MAGI1: variants seen among roughly 807,000 people sequenced by gnomAD.
MAGI1 encodes membrane associated guanylate kinase, WW and PDZ domain containing 1, also known as membrane-associated guanylate kinase, WW and PDZ domain-containing protein 1.
In MAGI1, 58 loss-of-function variants were observed where a neutral mutation model predicts 139.9. The ratio of observed to expected loss-of-function variants is 0.41; its 90% confidence interval spans 0.34 to 0.52. The LOEUF is 0.52. Ranked by LOEUF, MAGI1 falls within the 20% of genes least tolerant of loss-of-function variation. The probability of loss-of-function intolerance (pLI) is 0.12; values close to 1 mark genes in which losing one functional copy is unlikely to be tolerated. For synonymous variants in MAGI1, 812 were observed against 737.9 expected (o/e 1.10, Z -1.63); for missense variants, 1,874 against 1,901.6 (o/e 0.99, Z 0.27).
intron 2 of MAGI1, among the ~76,000 whole-genome samples, chr3:65,618,755 G>A (rs2083504054): frequency 6.6e-6 from 1 of 152,048 alleles, no homozygotes; most frequent in African/African-American, 2.4e-5. Context: ...CACCTTATAG[G>A]ATTGCTATGT....
intron 5 of MAGI1, among the ~76,000 whole-genome samples, chr3:65,455,618 T>G (rs1377257382): frequency 6.6e-6 from 1 of 152,084 alleles, no homozygotes; most frequent in Non-Finnish European, 1.5e-5. Flanking sequence ...GCACCTGTGG[T>G]CCTAGCTACT....
intron 2 of MAGI1, among the ~76,000 whole-genome samples, chr3:65,620,528 G>A (rs946575810): frequency 1.3e-5 from 2 of 152,186 alleles, no homozygotes; most frequent in African/African-American, 4.8e-5. Flanking sequence ...CATTGCCTCA[G>A]TTTCTTGATT....
rs1348210969 is a variant in MAGI1, at chr3:65,776,420, C to A, written c.314-154332G>T. Among the ~76,000 whole-genome samples, 4 of 151,920 alleles carry A rather than the reference C, an allele frequency of 2.6e-5. No homozygotes were observed. The East Asian group carries it at 7.7e-4, about 29-fold the overall frequency. ...TTCAAAGCCTCTGAGTCCCAGGAAA[C>A]ACAATTTTTAAAAATGGTAACCCTT... On this transcript the variant is annotated intron_variant, in intron 1 of 22. Transcript: ENST00000402939.
intron 1 of MAGI1, among the ~76,000 whole-genome samples, chr3:65,954,781 C>T (rs1367794665): frequency 6.6e-6 from 1 of 152,076 alleles, no homozygotes; most frequent in Non-Finnish European, 1.5e-5. Context: ...CTATAAACCA[C>T]AGGCCCCAAC....
chr3:65,378,242 A>G (rs1188003928), intron 17 of MAGI1, among the ~76,000 whole-genome samples: 3 of 152,230 alleles, frequency 2.0e-5, no homozygotes, highest in Non-Finnish European at 2.9e-5. Flanking sequence ...TAGTGTACCC[A>G]GAAGAGAGTG....
chr3:65,537,912 G>A (rs948512103), intron 2 of MAGI1, among the ~76,000 whole-genome samples: 1 of 152,088 alleles, frequency 6.6e-6, no homozygotes, highest in Non-Finnish European at 1.5e-5. Context: ...GAGGATAGGA[G>A]TTCAAGACCA....
chr3:65,413,729 T>C (rs1028348186), intron 12 of MAGI1, among the ~76,000 whole-genome samples: 24 of 152,132 alleles, frequency 1.6e-4, no homozygotes, highest in African/African-American at 5.5e-4. Context: ...ACTGTACCAA[T>C]TGGATTTGCT....
At chr3:65,884,224 C>T (rs2060444828) in intron 1 of MAGI1, among the ~76,000 whole-genome samples, 1 of 152,190 alleles carries the variant, frequency 6.6e-6, no homozygotes, top group Admixed American at 6.5e-5. Flanking sequence ...TACCAACTCT[C>T]TCCACCCTGC....
rs142648513 is a variant in MAGI1 at position 65,971,600 on chromosome 3, C to G, written c.313+66396G>C. Among the ~76,000 whole-genome samples the G allele has an allele frequency of 2.4e-3, 373 of 152,292 alleles. 3 individuals are homozygous for G. Among genetic ancestry groups the G allele is most frequent in the African/African-American group, 8.5e-3 (352 of 41,568 alleles). ...CATCCAAGTCAAGCACATGTTTTCA[C>G]GCAATTCAAAGAAAACAAACTGTGA... On this transcript the variant is annotated intron_variant, in intron 1 of 22. Coordinates refer to ENST00000402939, the MANE Select transcript of MAGI1 (RefSeq NM_001033057.2).
At chr3:65,886,609 GACCTGCTCTCCTCTTGTCTCCGTCTC>G (rs2060541132) in intron 1 of MAGI1, among the ~76,000 whole-genome samples, 1 of 152,170 alleles carries the variant, frequency 6.6e-6, no homozygotes, top group South Asian at 2.1e-4. Flanking sequence ...GAAGAGAAGA[GACCTGCTCTCCTCTTGTCTCCGTCTC>G]ACTAGCCAGA....
intron 2 of MAGI1, among the ~76,000 whole-genome samples, chr3:65,613,978 G>A (rs1449582714): frequency 5.3e-5 from 8 of 152,170 alleles, no homozygotes; most frequent in Non-Finnish European, 1.2e-4. Flanking sequence ...GGCCTACAAA[G>A]TATCAAGCTC....
At chr3:65,412,093 A>T (rs1006010072) in intron 12 of MAGI1, among the ~76,000 whole-genome samples, 2 of 151,938 alleles carry the variant, frequency 1.3e-5, no homozygotes, top group South Asian at 4.2e-4. Flanking sequence ...TTAAAGACAA[A>T]CTCTTTGTTC....
At chr3:65,936,611 T>A (rs1187869205) in intron 1 of MAGI1, among the ~76,000 whole-genome samples, 10 of 151,628 alleles carry the variant, frequency 6.6e-5, no homozygotes, top group Non-Finnish European at 1.0e-4. Context: ...AAAAATCTTA[T>A]GTAGATATAT....
In MAGI1 at chr3:65,692,260, C is replaced by A. The variant is rs570425324; in HGVS notation, c.314-70172G>T. 4.6e-5 allele frequency among the ~76,000 whole-genome samples: 7 copies of A among 152,296 alleles called. No individual in the cohort carries two copies. In the East Asian group the frequency reaches 1.4e-3, roughly 29 times the overall value. On this transcript the variant is annotated intron_variant, in intron 1 of 22. Coordinates refer to ENST00000402939, the MANE Select transcript of MAGI1 (RefSeq NM_001033057.2). ...ATGTTTTAAATGTTTCAATGGTCAA[C>A]AAAGACAGATATCGTTTATTCATTG...
intron 3 of MAGI1, among the ~76,000 whole-genome samples, chr3:65,483,187 C>T (rs1329316879): frequency 6.6e-6 from 1 of 152,200 alleles, no homozygotes; most frequent in African/African-American, 2.4e-5. Context: ...GGCTTTTGGA[C>T]AAAAACTCTG....
At chr3:65,367,980 G>C (rs751820458) in intron 18 of MAGI1, among the ~76,000 whole-genome samples, 1 of 152,118 alleles carries the variant, frequency 6.6e-6, no homozygotes, top group African/African-American at 2.4e-5. Context: ...GTATACCCTA[G>C]ATTTCCAGGA....
At chr3:65,490,018 G>T (rs1472103966) in intron 3 of MAGI1, among the ~76,000 whole-genome samples, 1 of 152,208 alleles carries the variant, frequency 6.6e-6, no homozygotes, top group African/African-American at 2.4e-5. Flanking sequence ...AAAAAAGATG[G>T]TGAGTACCTG....
intron 18 of MAGI1, among the ~76,000 whole-genome samples, chr3:65,370,228 A>G (rs759520970): frequency 9.2e-5 from 14 of 152,106 alleles, no homozygotes; most frequent in Non-Finnish European, 1.8e-4. Flanking sequence ...AGATCATGCC[A>G]CTGCACTCTA....
intron 2 of MAGI1, among the ~76,000 whole-genome samples, chr3:65,601,128 T>G (rs1384974693): frequency 6.6e-6 from 1 of 152,224 alleles, no homozygotes; most frequent in Admixed American, 6.5e-5. Context: ...AACTCTTAGG[T>G]GTGGATTCCC....
Sources: allele counts gnomAD v4.1 joint callset (sites outside exome capture counted in the v4.1 genomes callset), GRCh38; gene constraint gnomAD v4.1.1; transcripts MANE v1.5; gene names NCBI Gene and HGNC (gene_info 2026-07-23, HGNC 2026-07-21).